Variants in TMEM106B observed in about 807,000 individuals in gnomAD.
TMEM106B encodes the protein transmembrane protein 106B.
Under a neutral mutation model 31.1 loss-of-function variants are expected in TMEM106B, and 15 were observed. The ratio of observed to expected loss-of-function variants is 0.48; its 90% confidence interval spans 0.32 to 0.74. TMEM106B has a LOEUF of 0.74. Among genes scored for constraint, TMEM106B ranks in the 30% least tolerant of loss-of-function variants. The probability of loss-of-function intolerance (pLI) is 0.03; values close to 1 mark genes in which losing one functional copy is unlikely to be tolerated. For missense variants in TMEM106B, 283 were observed against 327.3 expected, an observed-to-expected ratio of 0.86 and a Z score of 1.04; for synonymous variants, 126 against 112.5, an observed-to-expected ratio of 1.12 and a Z score of -0.76.
At chr7:12,229,869 T>G (rs1483586889) in intron 5 of TMEM106B, 50 bp downstream of exon 5, 6 of 1,538,268 alleles carry the variant, frequency 3.9e-6, no homozygotes, top group Non-Finnish European at 5.3e-6. Flanking sequence ...AATGTCAGCT[T>G]TGTATATCAT....
intron 4 of TMEM106B, among the ~76,000 whole-genome samples, chr7:12,228,573 A>G (rs913768176): frequency 2.6e-5 from 4 of 151,854 alleles, no homozygotes; most frequent in African/African-American, 9.7e-5. Context: ...CCCATTCCAA[A>G]TAACACTGTC....
At chr7:12,229,471 A>G (rs1352610827) in intron 4 of TMEM106B, among the ~76,000 whole-genome samples, 1 of 152,176 alleles carries the variant, frequency 6.6e-6, no homozygotes, top group African/African-American at 2.4e-5. Flanking sequence ...TTTTTTAAAT[A>G]CTGAATTATG....
chr7:12,240,683 C>A lies in TMEM106B; in HGVS notation c.*8708C>A, dbSNP rs1217958399. ...AGTTTGTGAGGCTTTTTTTTTTTTT[C>A]TGGTAGATTTCTGTTTCCTTGATCA... On this transcript the variant is annotated 3_prime_UTR_variant, in exon 8 of 8. Transcript: ENST00000396668. The A allele has an allele frequency of 7.2e-6, 1 of 139,602 alleles. No individual in the cohort carries two copies. The highest frequency in any genetic ancestry group is 7.2e-5 in the Admixed American group (1 of 13,900). 8.6% of individuals were successfully genotyped at this position (139,602 alleles called of 1,614,324 possible).
At chr7:12,224,200 C>CTTA in intron 3 of TMEM106B, 26 bp from the exon 4 acceptor site, 1 of 1,600,536 alleles carries the variant, frequency 6.2e-7, no homozygotes, top group Non-Finnish European at 8.5e-7. Flanking sequence ...TGCACATGTA[C>CTTA]TTAAATACCC....
At chr7:12,218,833 A>G (rs950679216) in intron 3 of TMEM106B, among the ~76,000 whole-genome samples, 12 of 152,148 alleles carry the variant, frequency 7.9e-5, no homozygotes, top group African/African-American at 2.7e-4. Flanking sequence ...CCACAACCCC[A>G]GGATAAAAAT....
chr7:12,221,112 C>G (rs62435715), intron 3 of TMEM106B, among the ~76,000 whole-genome samples: 6 of 81,206 alleles, frequency 7.4e-5, no homozygotes, highest in South Asian at 4.3e-4. Context: ...GTGTGTGTGT[C>G]TGTATCTGTG....
At chr7:12,214,645 A>G (rs1204098520) in intron 1 of TMEM106B, among the ~76,000 whole-genome samples, 164 bp from the exon 2 acceptor site, 1 of 152,210 alleles carries the variant, frequency 6.6e-6, no homozygotes, top group Non-Finnish European at 1.5e-5. Context: ...ACTGTGCCTC[A>G]GGCCTTGTTC....
rs1304090855 is a variant in TMEM106B at position 12,234,393 on chromosome 7, G to T, written c.*2418G>T. ...AGAATTTGAAACAAGTAAAAAGATAGAAGAGAAATAAAGATGGTATGTGAC... is the reference window on the plus strand; with the variant it reads ...AGAATTTGAAACAAGTAAAAAGATATAAGAGAAATAAAGATGGTATGTGAC... On this transcript the variant is annotated 3_prime_UTR_variant, in exon 8 of 8. Transcript: ENST00000396668. 1 of 151,810 alleles carries T rather than the reference G, an allele frequency of 6.6e-6. No homozygotes were observed. The highest frequency in any genetic ancestry group is 1.5e-5 in the Non-Finnish European group (1 of 67,762). The allele number at this position is 151,810 out of a possible 1,614,324, so 9.4% of individuals were successfully genotyped here. A position where few individuals can be genotyped will look rare whatever the true frequency, so the allele number is the denominator to read the frequency against.
At chr7:12,216,658 T>C (rs1781692822) in intron 2 of TMEM106B, among the ~76,000 whole-genome samples, 1 of 151,988 alleles carries the variant, frequency 6.6e-6, no homozygotes, top group Admixed American at 6.6e-5. Context: ...CATATCAAGG[T>C]CAGTGAAAGA....
intron 4 of TMEM106B, among the ~76,000 whole-genome samples, chr7:12,229,174 G>C (rs1233517424): frequency 2.0e-5 from 3 of 151,944 alleles, no homozygotes; most frequent in South Asian, 2.1e-4. Context: ...TGAGACAACA[G>C]TTGTAAATTA....
At position 12,230,407 on chromosome 7, in the gene TMEM106B, A is replaced by C. The variant is rs1241056455; in HGVS notation, c.601A>C (p.Thr201Pro). The change falls in exon 6 of 8, where the codon ACC (threonine) becomes CCC (proline). Residue 201 changes from threonine to proline, a missense_variant. By Grantham distance (38) the Thr-to-Pro change is conservative. Around this residue, in one of 3 missense-constraint regions of TMEM106B, gnomAD observed 201 missense variants for 211.5 expected, o/e 0.95. Transcript: ENST00000396668. Reference protein sequence around the residue: ...DMKQIDYTVPTVIAEEMSYMY... With the variant: ...DMKQIDYTVPPVIAEEMSYMY... ...CTTTCAGATTGATTACACAGTACCT[A>C]CCGTTATAGCAGAGGAAATGAGTTA... 6.2e-7 allele frequency: 1 copy of C among 1,603,856 alleles called. No individual in the cohort carries two copies.
chr7:12,231,172 C>T (rs954490968), intron 7 of TMEM106B, 57 bp downstream of exon 7: 2 of 1,334,602 alleles, frequency 1.5e-6, no homozygotes, highest in African/African-American at 2.9e-5. Context: ...GGATTTATAA[C>T]ATTGGCTTAT....
intron 3 of TMEM106B, 78 bp downstream of exon 3, chr7:12,218,599 C>G: frequency 8.7e-7 from 1 of 1,147,176 alleles, no homozygotes; most frequent in South Asian, 1.5e-5. Context: ...TGTATAATAA[C>G]TAGTTAAAAC....
chr7:12,227,789 C>A (rs73286304), intron 4 of TMEM106B, among the ~76,000 whole-genome samples: 3,385 of 150,618 alleles, frequency 0.022, 85 homozygotes, highest in African/African-American at 0.061. Context: ...TCTCACTACT[C>A]TGAGCAACAA....
chr7:12,231,750 A>G (rs1782027310), intron 7 of TMEM106B, 87 bp from the exon 8 acceptor site: 1 of 1,038,322 alleles, frequency 9.6e-7, no homozygotes, highest in East Asian at 2.5e-5. Flanking sequence ...CTTCTGGGAG[A>G]TAATTTTTAT....
At chr7:12,228,162 T>C (rs1358815456) in intron 4 of TMEM106B, among the ~76,000 whole-genome samples, 1 of 151,930 alleles carries the variant, frequency 6.6e-6, no homozygotes, top group Non-Finnish European at 1.5e-5. Context: ...TTGAAATTTC[T>C]TTACATTTGT....
At chr7:12,226,326 A>T (rs6966757) in intron 4 of TMEM106B, among the ~76,000 whole-genome samples, 77,069 of 151,894 alleles carry the variant, frequency 0.51, 20,590 homozygotes, top group African/African-American at 0.66. Context: ...TTTTGCAAAC[A>T]ATGTGTGTTT....
chr7:12,218,008 G>A (rs910953141), intron 2 of TMEM106B, among the ~76,000 whole-genome samples: 1 of 152,030 alleles, frequency 6.6e-6, no homozygotes, highest in Non-Finnish European at 1.5e-5. Context: ...TTCAGAGGCC[G>A]GTTTTGGTTT....
At position 12,236,562 on chromosome 7, in the gene TMEM106B, C is replaced by CA. The variant is rs1229808285; in HGVS notation, c.*4593dup. On this transcript the variant is annotated 3_prime_UTR_variant, in exon 8 of 8. Transcript: ENST00000396668. ...TCAGCATATTTTATATATTAAAAAA[C>CA]AAAAAAGGATTAGTATTGAGCCAGT... 6.6e-6 allele frequency: 1 copy of CA among 151,416 alleles called. No homozygotes were observed. Among genetic ancestry groups the CA allele is most frequent in the Admixed American group, 6.6e-5 (1 of 15,196 alleles). 9.4% of individuals were successfully genotyped at this position (151,416 alleles called of 1,614,324 possible).
Sources: allele counts gnomAD v4.1 joint callset (sites outside exome capture counted in the v4.1 genomes callset), GRCh38; gene constraint gnomAD v4.1.1; regional missense constraint gnomAD v4.1.1; transcripts MANE v1.5; gene names NCBI Gene and HGNC (gene_info 2026-07-23, HGNC 2026-07-21).